WWP2: variants seen among roughly 807,000 people sequenced by gnomAD.
WWP2 encodes the protein NEDD4-like E3 ubiquitin-protein ligase WWP2.
WWP2 carries 57 observed loss-of-function variants against 121.0 expected under a neutral mutation model. The ratio of observed to expected loss-of-function variants is 0.47; its 90% CI spans 0.38 to 0.59. The LOEUF (loss-of-function observed/expected upper bound fraction) is 0.59, where lower values mean the gene tolerates loss of function less well. Among genes scored for constraint, WWP2 ranks in the 20% least tolerant of loss-of-function variants. The pLI, the probability that WWP2 is intolerant of heterozygous loss-of-function variation, is 0.00. For synonymous variants in WWP2, 449 were observed against 441.3 expected (o/e 1.02, Z -0.22); for missense variants, 962 against 1,158.9 (o/e 0.83, Z 2.47).
chr16:69,936,078 G>C, intron 18 of WWP2, 92 bp downstream of exon 18: 1 of 1,552,296 alleles, frequency 6.4e-7, no homozygotes, highest in South Asian at 1.2e-5. Context: ...TTGTCTGCCA[G>C]TGTGGCCCCT....
chr16:69,831,920 C>A (rs1271923425), intron 4 of WWP2, among the ~76,000 whole-genome samples: 2 of 150,906 alleles, frequency 1.3e-5, no homozygotes, highest in East Asian at 3.9e-4. Flanking sequence ...CCTTGACCTC[C>A]TGGGCACAAG....
chr16:69,847,063 C>G (rs1259227202), intron 6 of WWP2, among the ~76,000 whole-genome samples: 1 of 151,072 alleles, frequency 6.6e-6, no homozygotes, highest in Non-Finnish European at 1.5e-5. Context: ...ACACCTGCTG[C>G]CAGGCTCTTT....
intron 10 of WWP2, 114 bp downstream of exon 10, chr16:69,917,997 C>T (rs1238183033): frequency 2.4e-5 from 31 of 1,317,700 alleles, no homozygotes; most frequent in Non-Finnish European, 2.9e-5. Context: ...CGTCTGGCAA[C>T]GTCAGTGCTC....
At chr16:69,936,238 C>A in intron 18 of WWP2, 74 bp from the exon 19 acceptor site, 1 of 1,592,240 alleles carries the variant, frequency 6.3e-7, no homozygotes, top group African/African-American at 1.3e-5. Context: ...TGGTGTCCCA[C>A]GGGCAACAGA....
At chr16:69,812,372 C>T (rs1313832480) in intron 4 of WWP2, among the ~76,000 whole-genome samples, 1 of 151,376 alleles carries the variant, frequency 6.6e-6, no homozygotes. Context: ...ATCATGTTGG[C>T]CAGGCTGGTC....
chr16:69,786,996 C>T lies in WWP2; in HGVS notation c.-15C>T. On this transcript the variant is annotated splice_region_variant and 5_prime_UTR_variant, in exon 2 of 24. Transcript: ENST00000359154. ...ATTCTTTTTTCTGTTTGTCTTACAGCTTCACGGTGATGATATGGCATCTGC... is the reference window on the plus strand; with the variant it reads ...ATTCTTTTTTCTGTTTGTCTTACAGTTTCACGGTGATGATATGGCATCTGC... 6.2e-7 allele frequency: 1 copy of T among 1,608,860 alleles called. No homozygotes were observed. Among genetic ancestry groups the T allele is most frequent in the South Asian group, 1.1e-5 (1 of 89,646 alleles).
In WWP2 at chr16:69,939,113, C is replaced by G. The variant is rs757843422; in HGVS notation, c.2430C>G (p.Ala810=). Residue 810 remains alanine, a synonymous_variant, in exon 22 of 24, where the codon GCC becomes GCG. Coordinates refer to ENST00000359154, the MANE Select transcript of WWP2 (RefSeq NM_001270454.2). ...GCCGCCTGCCCGTCGGGGGATTTGC[C>G]GAACTCATCGGTATGTTTTCTCTCG... The part of the protein sequence containing the change: ...GTCRLPVGGF[A]ELIGSNGPQK... 1 of 1,599,758 alleles carries G rather than the reference C, an allele frequency of 6.3e-7. No homozygotes were observed. Among genetic ancestry groups the G allele is most frequent in the South Asian group, 1.1e-5 (1 of 89,034 alleles).
intron 4 of WWP2, among the ~76,000 whole-genome samples, chr16:69,816,855 C>T (rs2056503034): frequency 6.6e-6 from 1 of 152,170 alleles, no homozygotes. Flanking sequence ...TCCGTACATT[C>T]AAGGTAGATT....
chr16:69,923,048 C>T (rs2058585538), intron 10 of WWP2, among the ~76,000 whole-genome samples: 1 of 152,042 alleles, frequency 6.6e-6, no homozygotes, highest in Non-Finnish European at 1.5e-5. Flanking sequence ...TGCCACTATG[C>T]CTGGCTAATT....
intron 7 of WWP2, among the ~76,000 whole-genome samples, chr16:69,878,054 C>T (rs1021911308): frequency 3.0e-4 from 46 of 151,964 alleles, no homozygotes; most frequent in Admixed American, 8.5e-4. Context: ...GTGATCCACC[C>T]GCCTCAGCCT....
chr16:69,806,951 T>TGTA, intron 4 of WWP2, among the ~76,000 whole-genome samples: 1 of 149,652 alleles, frequency 6.7e-6, no homozygotes, highest in Middle Eastern at 3.4e-3. Flanking sequence ...TATTTATTTA[T>TGTA]TTATTCATTC....
intron 4 of WWP2, among the ~76,000 whole-genome samples, chr16:69,826,181 C>T (rs750969912): frequency 2.7e-5 from 4 of 148,256 alleles, no homozygotes; most frequent in Non-Finnish European, 5.9e-5. Flanking sequence ...TCAGGAGAAT[C>T]GCTTGGACTG....
chr16:69,933,902 C>G, intron 16 of WWP2, 68 bp from the exon 17 acceptor site: 1 of 1,548,674 alleles, frequency 6.5e-7, no homozygotes, highest in South Asian at 1.2e-5. Flanking sequence ...GGTGAAGAGA[C>G]ACAGCTCCTG....
intron 9 of WWP2, 91 bp downstream of exon 9, chr16:69,908,941 A>G (rs1315966031): frequency 2.5e-6 from 4 of 1,590,518 alleles, no homozygotes; most frequent in African/African-American, 2.7e-5. Context: ...CTGCGGAGGT[A>G]GCATAGCACA....
rs184965256 is a variant in WWP2 at position 69,788,515 on chromosome 16, G to A, written c.70+1435G>A. On this transcript the variant is annotated intron_variant, in intron 2 of 23. Coordinates refer to ENST00000359154, the MANE Select transcript of WWP2 (RefSeq NM_001270454.2). The stretch of plus-strand genomic sequence containing the variant: ...TCTTCAGTGAATACACTGGGCAGGC[G>A]TCTGCCTCTGGGCCTTTGCACTTGC... Among the ~76,000 whole-genome samples the A allele has an allele frequency of 3.7e-4, 57 of 152,262 alleles. No individual in the cohort carries two copies. The East Asian group carries it at 6.8e-3, about 18-fold the overall frequency.
intron 4 of WWP2, among the ~76,000 whole-genome samples, chr16:69,830,893 A>G (rs79810797): frequency 0.031 from 4,720 of 152,206 alleles, 125 homozygotes; most frequent in East Asian, 0.13. Context: ...GAACTGGGGA[A>G]TGGAAAGGAG....
At chr16:69,777,723 G>T (rs1020036562) in intron 1 of WWP2, among the ~76,000 whole-genome samples, 1 of 151,586 alleles carries the variant, frequency 6.6e-6, no homozygotes. Context: ...TAGAGGATAA[G>T]TTCAGAGGAA....
At chr16:69,777,487 G>C (rs1049339416) in intron 1 of WWP2, among the ~76,000 whole-genome samples, 2 of 151,596 alleles carry the variant, frequency 1.3e-5, no homozygotes, top group African/African-American at 4.8e-5. Context: ...TTTTAGTAGA[G>C]ATGGGGTTTC....
At chr16:69,907,279 TG>T (rs1180055984) in intron 8 of WWP2, among the ~76,000 whole-genome samples, 2 of 152,204 alleles carry the variant, frequency 1.3e-5, no homozygotes, top group East Asian at 1.9e-4. Flanking sequence ...TAGGTTTAGC[TG>T]GGGGAAGTCT....
Sources: allele counts gnomAD v4.1 joint callset (sites outside exome capture counted in the v4.1 genomes callset), GRCh38; gene constraint gnomAD v4.1.1; transcripts MANE v1.5; gene names NCBI Gene and HGNC (gene_info 2026-07-23, HGNC 2026-07-21).